Variants in PATJ observed in about 807,000 individuals in gnomAD.
The protein encoded by PATJ is PATJ crumbs cell polarity complex component.
In PATJ, 190 loss-of-function variants were observed where a neutral mutation model predicts 224.9. The ratio of observed to expected loss-of-function variants is 0.84; its 90% CI spans 0.75 to 0.95. PATJ has a LOEUF of 0.95. PATJ is among the 40% of genes least tolerant of loss of function. PATJ has a pLI of 0.00. For missense variants in PATJ, 2,121 were observed against 2,270.3 expected (o/e 0.93, Z 1.34); for synonymous variants, 769 against 820.3 (o/e 0.94, Z 1.07).
At chr1:61,778,176 G>A (rs75696128) in intron 7 of PATJ, among the ~76,000 whole-genome samples, 1 of 151,964 alleles carries the variant, frequency 6.6e-6, no homozygotes, top group African/African-American at 2.4e-5. Flanking sequence ...CATTGCACCC[G>A]CCTGGCCTTA....
chr1:61,869,949 G>A (rs559446135), intron 20 of PATJ, among the ~76,000 whole-genome samples: 16 of 152,294 alleles, frequency 1.1e-4, no homozygotes, highest in South Asian at 6.2e-4. Flanking sequence ...TGCAATCCCC[G>A]AAGCCCCAGT....
At chr1:62,103,954 A>G (rs568755475) in intron 33 of PATJ, among the ~76,000 whole-genome samples, 1 of 152,320 alleles carries the variant, frequency 6.6e-6, no homozygotes, top group Non-Finnish European at 1.5e-5. Flanking sequence ...CCAGAAGCCT[A>G]GCTCATAATC....
intron 24 of PATJ, among the ~76,000 whole-genome samples, chr1:61,906,014 C>T (rs939001516): frequency 3.9e-5 from 6 of 152,286 alleles, no homozygotes; most frequent in East Asian, 1.9e-4. Context: ...CCAGGTCAGA[C>T]GCCAATCTTA....
rs77941483 is a variant in PATJ at position 61,993,044 on chromosome 1, G to A, written c.3867+2680G>A. ...CTGACACTAGGTACCTGGAGACAGC[G>A]TCAGTCCCACAAGTTAAGGGCTCAG... On this transcript the variant is annotated intron_variant, in intron 28 of 43. Coordinates refer to ENST00000642238, the MANE Select transcript of PATJ (RefSeq NM_001350145.3). Among the ~76,000 whole-genome samples the A allele has an allele frequency of 4.4e-3, 675 of 152,160 alleles. 36 individuals carry two copies. In the East Asian group the frequency reaches 0.11, roughly 25 times the overall value.
At chr1:61,896,591 A>G (rs560700043) in intron 22 of PATJ, among the ~76,000 whole-genome samples, 1 of 152,276 alleles carries the variant, frequency 6.6e-6, no homozygotes, top group Admixed American at 6.5e-5. Context: ...TTGCTTATAA[A>G]ATGTGAAAAG....
chr1:61,835,369 A>C (rs1198532135), intron 17 of PATJ, among the ~76,000 whole-genome samples: 1 of 152,092 alleles, frequency 6.6e-6, no homozygotes, highest in Admixed American at 6.6e-5. Context: ...AGTTTAGGTT[A>C]GCCAAAAATA....
At chr1:61,987,925 A>G (rs375042210) in intron 27 of PATJ, among the ~76,000 whole-genome samples, 46 of 152,320 alleles carry the variant, frequency 3.0e-4, no homozygotes, top group Admixed American at 6.5e-4. Context: ...GGGGCCAGAC[A>G]TGGTGGCTCA....
intron 15 of PATJ, 114 bp downstream of exon 15, chr1:61,823,193 C>A: frequency 9.8e-7 from 1 of 1,021,080 alleles, no homozygotes; most frequent in Non-Finnish European, 1.4e-6. Context: ...GTAATATGAG[C>A]CTCTTAGATT....
chr1:61,931,929 C>A (rs1201809739), intron 27 of PATJ, among the ~76,000 whole-genome samples: 1 of 152,092 alleles, frequency 6.6e-6, no homozygotes, highest in African/African-American at 2.4e-5. Flanking sequence ...AAAACTGAAA[C>A]AAAAGTTTCA....
chr1:62,049,825 G>A (rs544370602), intron 30 of PATJ, among the ~76,000 whole-genome samples: 1 of 152,070 alleles, frequency 6.6e-6, no homozygotes, highest in African/African-American at 2.4e-5. Context: ...TGGTTTCCAC[G>A]TGCCAGGCAT....
At chr1:61,924,229 G>A (rs1274860388) in intron 26 of PATJ, among the ~76,000 whole-genome samples, 1 of 152,076 alleles carries the variant, frequency 6.6e-6, no homozygotes, top group Non-Finnish European at 1.5e-5. Context: ...TTAGCCAGGT[G>A]TGGTGGTACG....
At chr1:61,904,520 GCAC>G (rs1243828503) in intron 24 of PATJ, among the ~76,000 whole-genome samples, 1 of 152,216 alleles carries the variant, frequency 6.6e-6, no homozygotes, top group East Asian at 1.9e-4. Flanking sequence ...CCTTGCATAT[GCAC>G]CACCACAATT....
rs368693184 is a variant in PATJ at position 61,801,728 on chromosome 1, A to G, written c.1508A>G (p.Asp503Gly). 8.1e-6 allele frequency: 13 copies of G among 1,600,084 alleles called. No homozygotes were observed. The highest frequency in any genetic ancestry group is 2.7e-5 in the African/African-American group (2 of 74,598). Residue 503 changes from aspartate (D) to glycine (G), a missense_variant, in exon 12 of 44, where the codon GAT becomes GGT. Coordinates refer to ENST00000642238, the MANE Select transcript of PATJ (RefSeq NM_001350145.3). ...GEDEEIKERI[D>G]TLKNDNIQAL... Reference sequence around the variant, plus strand: ...GATGAGGAAATTAAAGAAAGAATTGATACTTTAAAAAATGACAACATACAA... The same window carrying G: ...GATGAGGAAATTAAAGAAAGAATTGGTACTTTAAAAAATGACAACATACAA...
chr1:62,148,141 A>AAAAAAAAT, intron 41 of PATJ, 143 bp from the exon 42 acceptor site: 2 of 471,910 alleles, frequency 4.2e-6, no homozygotes, highest in Non-Finnish European at 7.8e-6. Flanking sequence ...AAAAAAAAAA[A>AAAAAAAAT]GTTTGAGAGA....
rs185999756 is a variant in PATJ, at chr1:61,950,571, C to G, written c.3670+22742C>G. ...TCGTTGTGGACTCTGTAGTTGATCT[C>G]TACCTTGCCAATAGGTGTCACTACA... is the stretch of plus-strand genomic sequence containing the variant. On this transcript the variant is annotated intron_variant, in intron 27 of 43. Transcript: ENST00000642238. Among the ~76,000 whole-genome samples, 163 of 152,264 alleles carry G rather than the reference C, an allele frequency of 1.1e-3. 2 individuals carry two copies. The highest frequency in any genetic ancestry group is 9.8e-3 in the Admixed American group (150 of 15,290).
chr1:62,082,368 G>T (rs1484102452), intron 32 of PATJ, among the ~76,000 whole-genome samples: 2 of 152,146 alleles, frequency 1.3e-5, no homozygotes, highest in Admixed American at 1.3e-4. Flanking sequence ...TTTAATAGTG[G>T]TTACATGCAT....
chr1:61,920,197 G>A (rs1000735407), intron 26 of PATJ, among the ~76,000 whole-genome samples: 3 of 152,034 alleles, frequency 2.0e-5, no homozygotes, highest in African/African-American at 7.2e-5. Flanking sequence ...TTAATATGTG[G>A]CAGTGTTTAG....
At chr1:61,925,963 C>T (rs550304300) in intron 26 of PATJ, among the ~76,000 whole-genome samples, 1 of 152,306 alleles carries the variant, frequency 6.6e-6, no homozygotes, top group African/African-American at 2.4e-5. Context: ...GCATCTCTAC[C>T]AGACAAAATT....
intron 42 of PATJ, among the ~76,000 whole-genome samples, chr1:62,152,463 T>A (rs1168518859): frequency 6.6e-6 from 1 of 151,328 alleles, no homozygotes; most frequent in Non-Finnish European, 1.5e-5. Flanking sequence ...ACCAGCCTGG[T>A]CAACATGGCG....
Sources: gnomAD v4.1 joint callset for allele counts (sites outside exome capture counted in the v4.1 genomes callset) on GRCh38, gnomAD v4.1.1 for gene constraint, MANE v1.5 for transcripts, NCBI Gene and HGNC (gene_info 2026-07-23, HGNC 2026-07-21) for gene names.